GNAS: variants seen among roughly 807,000 people sequenced by gnomAD.
GNAS encodes the protein GNAS complex locus, also known as protein ALEX.
In GNAS, 8 loss-of-function variants were observed where a neutral mutation model predicts 54.5. The ratio of observed to expected loss-of-function variants is 0.15; its 90% confidence interval spans 0.09 to 0.26. The LOEUF (loss-of-function observed/expected upper bound fraction) is 0.26, where lower values mean the gene tolerates loss of function less well. Among genes scored for constraint, GNAS ranks in the 10% least tolerant of loss-of-function variants. The pLI, the probability that GNAS is intolerant of heterozygous loss-of-function variation, is 1.00. For synonymous variants in GNAS, 204 were observed against 191.4 expected, an observed-to-expected ratio of 1.07 and a Z score of -0.54; for missense variants, 170 against 529.8, an observed-to-expected ratio of 0.32 and a Z score of 6.67.
At chr20:58,846,936 C>G (rs1297191869) in intron 1 of GNAS, among the ~76,000 whole-genome samples, 1 of 152,204 alleles carries the variant, frequency 6.6e-6, no homozygotes, top group Non-Finnish European at 1.5e-5. Context: ...CTCCAACCCC[C>G]ACTTTTGCCT....
At chr20:58,888,070 CTGTTAAA>C (rs1244320919), upstream of GNAS, among the ~76,000 whole-genome samples, 1 of 152,198 alleles carries the variant, frequency 6.6e-6, no homozygotes, top group Non-Finnish European at 1.5e-5. Flanking sequence ...CCCCTGGGGA[CTGTTAAA>C]TGTGTTTCCA....
intron 1 of GNAS, among the ~76,000 whole-genome samples, chr20:58,849,260 C>T (rs1214824164): frequency 2.6e-5 from 4 of 152,180 alleles, no homozygotes; most frequent in African/African-American, 9.7e-5. Context: ...GAGGCTAAAA[C>T]ACCAAGTCTA....
intron 2 of GNAS, chr20:58,897,921 A>T (rs1381426022): frequency 6.6e-6 from 1 of 152,246 alleles, no homozygotes; most frequent in Non-Finnish European, 1.5e-5. Flanking sequence ...TCTGGGTGGT[A>T]CAGGGTTCTT....
chr20:58,882,660 C>T (rs533035808), intron 1 of GNAS, among the ~76,000 whole-genome samples: 7 of 152,310 alleles, frequency 4.6e-5, no homozygotes, highest in South Asian at 2.1e-4. Context: ...AAAAGTAAAT[C>T]ATTCCAAGCT....
chr20:58,899,635 C>A (rs1037436901), intron 3 of GNAS, among the ~76,000 whole-genome samples: 1 of 148,068 alleles, frequency 6.8e-6, no homozygotes, highest in South Asian at 2.4e-4. Context: ...TTGCTTCCTG[C>A]ATCCCCACAC....
intron 1 of GNAS, among the ~76,000 whole-genome samples, chr20:58,865,616 G>A (rs1415101305): frequency 2.0e-5 from 3 of 146,516 alleles, no homozygotes; most frequent in East Asian, 2.0e-4. Flanking sequence ...CACTCTTGTC[G>A]CCCAGGCTGG....
intron 1 of GNAS, chr20:58,855,184 C>A (rs1335413863): frequency 6.2e-7 from 1 of 1,608,236 alleles, no homozygotes; most frequent in Non-Finnish European, 8.5e-7. Flanking sequence ...AAGAAGGTAC[C>A]CCTGGCGGAG....
chr20:58,891,967 C>G lies in GNAS; in HGVS notation c.139+102C>G, dbSNP rs1050512385. The G allele has an allele frequency of 8.7e-3, 6,803 of 777,618 alleles. 27 individuals carry two copies. The highest frequency in any genetic ancestry group is 0.01 in the Non-Finnish European group (6,539 of 642,728). The allele number at this position is 777,618 out of a possible 1,614,324, so 48.2% of individuals were successfully genotyped here. A position where few individuals can be genotyped will look rare whatever the true frequency, so the allele number is the denominator to read the frequency against. Reference sequence around the variant, plus strand: ...CGCCCCCCGCCCCGGGCGCGCGCTCCCGAGCCCCCCGCCCGTTCGCGGGCT... The same window carrying G: ...CGCCCCCCGCCCCGGGCGCGCGCTCGCGAGCCCCCCGCCCGTTCGCGGGCT... On this transcript the variant is annotated intron_variant, in intron 1 of 12. Transcript: ENST00000371085.
intron 1 of GNAS, chr20:58,848,793 C>T (rs531077486): frequency 1.5e-5 from 6 of 398,140 alleles, no homozygotes; most frequent in Admixed American, 8.8e-5. Context: ...GCAGGTGCCA[C>T]AGGTGGGTCA....
chr20:58,859,918 C>T (rs1216918051), intron 1 of GNAS, among the ~76,000 whole-genome samples: 2 of 152,232 alleles, frequency 1.3e-5, no homozygotes, highest in Non-Finnish European at 2.9e-5. Flanking sequence ...GCCATCGCGC[C>T]CGGCCATAAG....
intron 1 of GNAS, chr20:58,855,678 GC>G: frequency 3.0e-6 from 2 of 662,324 alleles, no homozygotes; most frequent in Non-Finnish European, 5.6e-6. Flanking sequence ...GGGCCCCGGG[GC>G]CCCGGGACTC....
rs2086262167 is a variant in GNAS, at chr20:58,853,376, T to C, written c.43+12490T>C. The C allele has an allele frequency of 1.5e-5, 23 of 1,556,678 alleles. No individual in the cohort carries two copies. Among genetic ancestry groups the C allele is most frequent in the Non-Finnish European group, 1.6e-5 (18 of 1,150,636 alleles). On this transcript the variant is annotated intron_variant, in intron 1 of 12. Transcript: ENST00000306090. The surrounding 1 kb of genome is among the most constrained non-coding windows in gnomAD (Gnocchi z 4.4). ...CACCTTTGGAGGCCCCAGGGGCAGCTGCCCCCGGTGCTGGGCCTAGCCCAG... is the reference window on the plus strand; with the variant it reads ...CACCTTTGGAGGCCCCAGGGGCAGCCGCCCCCGGTGCTGGGCCTAGCCCAG...
rs116208712 is a variant in GNAS, at chr20:58,859,214, G to A, written c.43+18328G>A. On this transcript the variant is annotated intron_variant, in intron 1 of 12. Transcript: ENST00000306090. ...TTCTGATTACATTTTTTGTTTGTTT[G>A]ATTTGAAACAAAGTCTCCCTCTGTC... is the stretch of plus-strand genomic sequence containing the variant. Among the ~76,000 whole-genome samples, 1,068 of 152,224 alleles carry A rather than the reference G, an allele frequency of 7.0e-3. 11 individuals carry two copies. Among genetic ancestry groups the A allele is most frequent in the African/African-American group, 0.024 (1,014 of 41,544 alleles).
chr20:58,848,003 CTGTTCAGAGAGTCAATGG>C (rs2086001347), intron 1 of GNAS, among the ~76,000 whole-genome samples: 1 of 152,308 alleles, frequency 6.6e-6, no homozygotes, highest in South Asian at 2.1e-4. Flanking sequence ...TGTAATGGTG[CTGTTCAGAGAGTCAATGG>C]TAAAGAAATA....
intron 1 of GNAS, among the ~76,000 whole-genome samples, chr20:58,883,996 G>C (rs2088425259): frequency 1.3e-5 from 2 of 152,228 alleles, no homozygotes; most frequent in Admixed American, 1.3e-4. Flanking sequence ...TGAATTAAAT[G>C]TGTGACTAAT....
intron 1 of GNAS, among the ~76,000 whole-genome samples, chr20:58,851,981 C>A (rs1209603132): frequency 2.0e-5 from 3 of 152,180 alleles, no homozygotes; most frequent in Non-Finnish European, 4.4e-5. Flanking sequence ...GTCTCGAAAC[C>A]ACCCTAAACC....
At chr20:58,850,970 T>A in intron 1 of GNAS, 1 of 398,662 alleles carries the variant, frequency 2.5e-6, no homozygotes, top group Non-Finnish European at 4.4e-6. Flanking sequence ...GCAGCCTTGA[T>A]TGGCATGACC....
chr20:58,850,356 G>C (rs1298389273), intron 1 of GNAS, among the ~76,000 whole-genome samples: 2 of 152,206 alleles, frequency 1.3e-5, no homozygotes, highest in Admixed American at 6.5e-5. Flanking sequence ...CATGATATCA[G>C]AAAGAATGAA....
chr20:58,899,012 T>A (rs368774179), intron 3 of GNAS, 27 bp downstream of exon 3: 2 of 1,584,132 alleles, frequency 1.3e-6, no homozygotes, highest in Non-Finnish European at 1.7e-6. Flanking sequence ...CCAGAAAAAA[T>A]TGTTAACAAA....
Sources: allele counts gnomAD v4.1 joint callset (sites outside exome capture counted in the v4.1 genomes callset), GRCh38; gene constraint gnomAD v4.1.1; non-coding constraint Gnocchi (gnomAD v3.1); transcripts MANE v1.5; gene names NCBI Gene and HGNC (gene_info 2026-07-23, HGNC 2026-07-21).